LMNTD1: variants seen among roughly 807,000 people sequenced by gnomAD.
The protein encoded by LMNTD1 is lamin tail domain-containing protein 1.
A neutral mutation model predicts 50.9 loss-of-function variants in LMNTD1; 35 were observed. The ratio of observed to expected loss-of-function variants is 0.69; its 90% CI spans 0.53 to 0.91. LMNTD1 has a LOEUF of 0.91. Among genes scored for constraint, LMNTD1 ranks in the 40% least tolerant of loss-of-function variants. LMNTD1 has a pLI of 0.00. For missense variants in LMNTD1, 470 were observed against 475.5 expected (o/e 0.99, Z 0.11); for synonymous variants, 153 against 161.9 (o/e 0.94, Z 0.42).
Position 25,526,216 on chromosome 12 carries a change from C to T in LMNTD1, c.681G>A (p.Val227=), listed in dbSNP as rs1331701910. 8 of 1,605,570 alleles carry T rather than the reference C, an allele frequency of 5.0e-6. No homozygotes were observed. Among genetic ancestry groups the T allele is most frequent in the Non-Finnish European group, 6.8e-6 (8 of 1,176,898 alleles). ...IVMQANSTVT[V]WAAASEAKHQ... is the part of the protein sequence containing the mutation. ...GCTTTGCTTCAGATGCTGCTGCCCA[C>T]ACCTGTAATAAAATTGTTAATGACA... Residue 227 remains valine (V), a splice_region_variant and synonymous_variant, in exon 6 of 10, where the codon GTG becomes GTA. Transcript: ENST00000458174.
intron 3 of LMNTD1, among the ~76,000 whole-genome samples, chr12:25,548,204 G>A (rs760176867): frequency 8.8e-5 from 13 of 148,300 alleles, no homozygotes; most frequent in Non-Finnish European, 1.9e-4. Flanking sequence ...AATGGCAGGA[G>A]AAAAAAAAAC....
At chr12:25,601,625 AT>A (rs1565513013) in intron 1 of LMNTD1, among the ~76,000 whole-genome samples, 1 of 151,768 alleles carries the variant, frequency 6.6e-6, no homozygotes, top group South Asian at 2.1e-4. Flanking sequence ...TAAAATAAAA[AT>A]TTTTTTTAAT....
intron 4 of LMNTD1, among the ~76,000 whole-genome samples, chr12:25,528,148 G>A (rs59066933): frequency 1.3e-5 from 2 of 152,040 alleles, no homozygotes; most frequent in South Asian, 2.1e-4. Flanking sequence ...AATAACATAC[G>A]TATTTCTCAT....
chr12:25,582,629 T>C (rs1398976820), intron 1 of LMNTD1, among the ~76,000 whole-genome samples: 2 of 152,248 alleles, frequency 1.3e-5, no homozygotes, highest in Non-Finnish European at 2.9e-5. Flanking sequence ...TTTTAAAATA[T>C]GACAACCTAA....
At position 25,546,421 on chromosome 12, in the gene LMNTD1, TA is replaced by T; in HGVS notation, c.443del (p.Leu148Ter). On this transcript the variant is annotated frameshift_variant, in exon 4 of 10. Transcript: ENST00000458174. LOFTEE classifies it high-confidence loss of function. The part of the protein sequence containing the change: ...TAHSNYTQKT[L>X]KYFSMILEEV... ...CTTCAAGAATCATAGAAAAGTATTT[TA>T]AAGTTTTCTGAGTGTAGTTTGAGTG... 1 of 1,595,110 alleles carries T rather than the reference TA, an allele frequency of 6.3e-7. No homozygotes were observed. Among genetic ancestry groups the T allele is most frequent in the African/African-American group, 1.3e-5 (1 of 74,086 alleles).
At chr12:25,531,621 G>T (rs779742877) in intron 4 of LMNTD1, among the ~76,000 whole-genome samples, 1 of 151,710 alleles carries the variant, frequency 6.6e-6, no homozygotes, top group Non-Finnish European at 1.5e-5. Flanking sequence ...TTGTTTGCTG[G>T]CTTGTTTTCT....
chr12:25,490,331 TAAGTG>T (rs916887981), intron 9 of LMNTD1, among the ~76,000 whole-genome samples: 2 of 152,210 alleles, frequency 1.3e-5, no homozygotes, highest in African/African-American at 4.8e-5. Flanking sequence ...TTTTTAACAT[TAAGTG>T]AAGTTTAAAC....
chr12:25,541,340 C>A (rs1943058076), intron 4 of LMNTD1, among the ~76,000 whole-genome samples: 1 of 146,796 alleles, frequency 6.8e-6, no homozygotes, highest in Admixed American at 7.0e-5. Flanking sequence ...TACAAGGCTA[C>A]CAAAACAGCA....
chr12:25,549,101 T>A (rs1943601396), intron 3 of LMNTD1, among the ~76,000 whole-genome samples: 1 of 152,012 alleles, frequency 6.6e-6, no homozygotes, highest in Non-Finnish European at 1.5e-5. Context: ...ACCTTAATTA[T>A]AAGGATGATA....
At chr12:25,530,596 C>T (rs975803925) in intron 4 of LMNTD1, among the ~76,000 whole-genome samples, 6 of 152,162 alleles carry the variant, frequency 3.9e-5, no homozygotes, top group African/African-American at 7.2e-5. Flanking sequence ...CTAGCTGTTC[C>T]GTTGATCTAG....
At chr12:25,541,961 A>G (rs1174265739) in intron 4 of LMNTD1, among the ~76,000 whole-genome samples, 1 of 152,220 alleles carries the variant, frequency 6.6e-6, no homozygotes, top group Non-Finnish European at 1.5e-5. Context: ...GCCAACAGAC[A>G]CACGAAAAAA....
At chr12:25,578,876 A>C (rs1046039798) in intron 1 of LMNTD1, among the ~76,000 whole-genome samples, 5 of 152,224 alleles carry the variant, frequency 3.3e-5, no homozygotes, top group Admixed American at 3.3e-4. Context: ...TTTAAAATAC[A>C]TGTTGATATT....
intron 4 of LMNTD1, among the ~76,000 whole-genome samples, chr12:25,527,821 C>T (rs1474940873): frequency 2.7e-5 from 4 of 150,288 alleles, no homozygotes; most frequent in Non-Finnish European, 5.9e-5. Context: ...TTCTTATCCA[C>T]AGTTCCAAAA....
intron 1 of LMNTD1, among the ~76,000 whole-genome samples, chr12:25,581,135 C>G (rs1369258303): frequency 2.0e-5 from 3 of 152,186 alleles, no homozygotes; most frequent in African/African-American, 7.2e-5. Flanking sequence ...GTACATAAGA[C>G]ATCACAATGG....
chr12:25,609,155 G>A lies in LMNTD1; in HGVS notation c.58+39339C>T, dbSNP rs566790357. 9.3e-4 allele frequency among the ~76,000 whole-genome samples: 141 copies of A among 152,216 alleles called. 2 individuals carry two copies. The highest frequency in any genetic ancestry group is 3.9e-4 in the East Asian group (2 of 5,180). ...GCATGCATCGCATAGTTCTCGTGCC[G>A]TGGTTTTCAGCTCCATCAGGTCATT... is the stretch of plus-strand genomic sequence containing the variant. On this transcript the variant is annotated intron_variant, in intron 1 of 7. Coordinates refer to the LMNTD1 transcript ENST00000445693.
At chr12:25,534,623 T>A (rs1350952409) in intron 4 of LMNTD1, among the ~76,000 whole-genome samples, 1 of 152,128 alleles carries the variant, frequency 6.6e-6, no homozygotes, top group Non-Finnish European at 1.5e-5. Context: ...AGAAGACTGA[T>A]CAGCACATGT....
At chr12:25,561,511 C>G (rs1054318973) in intron 1 of LMNTD1, among the ~76,000 whole-genome samples, 1 of 151,994 alleles carries the variant, frequency 6.6e-6, no homozygotes, top group Non-Finnish European at 1.5e-5. Context: ...AGAGATAGTT[C>G]CTTATAATTT....
rs1486747991 is a variant in LMNTD1, at chr12:25,549,529, C to G, written c.107G>C (p.Gly36Ala). 1.2e-6 allele frequency: 2 copies of G among 1,604,432 alleles called. No individual in the cohort carries two copies. The highest frequency in any genetic ancestry group is 1.7e-6 in the Non-Finnish European group (2 of 1,173,054). Residue 36 changes from glycine to alanine, a missense_variant, in exon 3 of 10, where the codon GGA (glycine) becomes GCA (alanine). Transcript: ENST00000458174. ...GGAAAAATGTACTAAAGAATATACT[C>G]CAAGTTTGTCTTCTCTTCTGTGTAC... ...EKQKQREDKL[G>A]VYSLVHFSPK... is the part of the protein sequence containing the mutation.
chr12:25,601,977 ATTG>A (rs543043384), intron 1 of LMNTD1, among the ~76,000 whole-genome samples: 223 of 152,066 alleles, frequency 1.5e-3, no homozygotes, highest in Admixed American at 5.2e-3. Context: ...ACAATAAATT[ATTG>A]TTAATTATAA....
Sources: allele counts gnomAD v4.1 joint callset (sites outside exome capture counted in the v4.1 genomes callset), GRCh38; gene constraint gnomAD v4.1.1; transcripts MANE v1.5; gene names NCBI Gene and HGNC (gene_info 2026-07-23, HGNC 2026-07-21).